The following KLF12 variants were observed in gnomAD, a reference collection of about 807,000 sequenced individuals.
The protein encoded by KLF12 is KLF transcription factor 12.
Under a neutral mutation model 37.8 loss-of-function variants are expected in KLF12, and 9 were observed. That is an observed-to-expected ratio of 0.24 (90% CI 0.14 to 0.42). The LOEUF is 0.42. Ranked by LOEUF, KLF12 falls within the 10% of genes least tolerant of loss-of-function variation. The pLI, the probability that KLF12 is intolerant of heterozygous loss-of-function variation, is 1.00. For synonymous variants in KLF12, 208 were observed against 202.1 expected (o/e 1.03, Z -0.25); for missense variants, 411 against 516.0 (o/e 0.80, Z 1.97).
chr13:74,092,613 C>A (rs1414282060), intron 1 of KLF12, among the ~76,000 whole-genome samples: 1 of 150,460 alleles, frequency 6.6e-6, no homozygotes, highest in Non-Finnish European at 1.5e-5. Context: ...AACAGAGACT[C>A]CAACTCAAAA....
intron 3 of KLF12, among the ~76,000 whole-genome samples, chr13:73,911,134 G>A (rs1220551320): frequency 1.3e-5 from 2 of 152,036 alleles, no homozygotes; most frequent in Non-Finnish European, 2.9e-5. Context: ...GATAAGCTAG[G>A]TGATTGATAT....
chr13:73,813,362 G>T, intron 4 of KLF12, 75 bp from the exon 5 acceptor site: 1 of 1,499,504 alleles, frequency 6.7e-7, no homozygotes, highest in Non-Finnish European at 9.2e-7. Flanking sequence ...CCAACATCAA[G>T]TATGGAACTT....
intron 2 of KLF12, among the ~76,000 whole-genome samples, chr13:73,964,528 G>A (rs914958252): frequency 3.3e-5 from 5 of 151,138 alleles, no homozygotes; most frequent in Admixed American, 6.6e-5. Context: ...CCAGCACTTC[G>A]GGAGGCCAAG....
intron 3 of KLF12, among the ~76,000 whole-genome samples, chr13:73,908,246 C>CA (rs1888396394): frequency 6.6e-6 from 1 of 151,362 alleles, no homozygotes; most frequent in Admixed American, 6.6e-5. Flanking sequence ...ACTAAAAATA[C>CA]AAAAATTAGC....
At chr13:74,073,255 T>G (rs1180612025) in intron 1 of KLF12, among the ~76,000 whole-genome samples, 1 of 152,198 alleles carries the variant, frequency 6.6e-6, no homozygotes, top group Admixed American at 6.5e-5. Flanking sequence ...TTGACTGATT[T>G]TTTTTTCTTT....
At chr13:73,740,908 A>G (rs1475724056) in intron 6 of KLF12, among the ~76,000 whole-genome samples, 1 of 152,198 alleles carries the variant, frequency 6.6e-6, no homozygotes, top group Non-Finnish European at 1.5e-5. Flanking sequence ...TATCACTTAC[A>G]GATGCAAAGC....
Position 74,018,429 on chromosome 13 carries a change from A to G in KLF12, c.-31-23376T>C, listed in dbSNP as rs1232193817. On this transcript the variant is annotated intron_variant, in intron 1 of 7. Coordinates refer to ENST00000377669, the MANE Select transcript of KLF12 (RefSeq NM_007249.5). ...TTGATATACTGTATTCTTGAAAAAT[A>G]CTAAGTGACATTAAAGTGTTCTCTC... Among the ~76,000 whole-genome samples the G allele has an allele frequency of 1.1e-4, 16 of 152,232 alleles. 1 individual carries two copies. The highest frequency in any genetic ancestry group is 1.0e-3 in the Admixed American group (16 of 15,284).
At chr13:74,165,062 G>T in the KLF12 span, among the ~76,000 whole-genome samples, 1 of 152,184 alleles carries the variant, frequency 6.6e-6, no homozygotes. Flanking sequence ...TAGAATGTTT[G>T]TAACACAAAG....
At chr13:73,859,471 G>A (rs1885801904) in intron 3 of KLF12, among the ~76,000 whole-genome samples, 1 of 152,094 alleles carries the variant, frequency 6.6e-6, no homozygotes, top group African/African-American at 2.4e-5. Flanking sequence ...GTCCTTATTG[G>A]TGAAATTTCC....
chr13:74,030,565 T>C (rs1380319661), intron 1 of KLF12, among the ~76,000 whole-genome samples: 1 of 152,118 alleles, frequency 6.6e-6, no homozygotes, highest in African/African-American at 2.4e-5. Context: ...CTTCCTGTCC[T>C]TTCCTCCCAC....
chr13:73,744,265 G>C (rs1300769912), intron 6 of KLF12, among the ~76,000 whole-genome samples: 1 of 152,146 alleles, frequency 6.6e-6, no homozygotes, highest in Non-Finnish European at 1.5e-5. Context: ...GTTGCAAAGT[G>C]GCTTTGTTCC....
chr13:74,026,159 A>G (rs1892971842), intron 1 of KLF12, among the ~76,000 whole-genome samples: 1 of 17,404 alleles, frequency 5.7e-5, no homozygotes, highest in African/African-American at 1.6e-4. Flanking sequence ...ATTTTGAAGA[A>G]AAAAAAAAAA....
chr13:73,924,922 C>T (rs1170691452), intron 3 of KLF12, among the ~76,000 whole-genome samples: 1 of 152,142 alleles, frequency 6.6e-6, no homozygotes, highest in African/African-American at 2.4e-5. Context: ...CACAACATTC[C>T]CTTGAGCCAA....
intron 5 of KLF12, among the ~76,000 whole-genome samples, chr13:73,804,810 A>G (rs2138369290): frequency 6.6e-6 from 1 of 152,342 alleles, no homozygotes; most frequent in East Asian, 1.9e-4. Flanking sequence ...GAGTCAAAGA[A>G]TATTTCTTTG....
chr13:74,275,807 C>CTTCT, the KLF12 span, among the ~76,000 whole-genome samples: 514 of 50,210 alleles, frequency 0.01, 5 homozygotes, highest in Middle Eastern at 0.019. Flanking sequence ...TCTTTCTTTC[C>CTTCT]TTCTTTCTTT....
chr13:74,137,410 C>CTA (rs1878593182), upstream of KLF12, among the ~76,000 whole-genome samples: 1 of 152,172 alleles, frequency 6.6e-6, no homozygotes, highest in Non-Finnish European at 1.5e-5. Flanking sequence ...ATTTCCCTAA[C>CTA]TATATATAAA....
At chr13:74,263,477 A>G in the KLF12 span, among the ~76,000 whole-genome samples, 1 of 152,238 alleles carries the variant, frequency 6.6e-6, no homozygotes, top group Non-Finnish European at 1.5e-5. Context: ...TTGTCAGCTC[A>G]CGTTTGACAC....
chr13:73,984,440 G>A (rs1035130311), intron 2 of KLF12, among the ~76,000 whole-genome samples: 2 of 152,146 alleles, frequency 1.3e-5, no homozygotes, highest in African/African-American at 4.8e-5. Context: ...TCAGGGAAGG[G>A]TGCCAGCTTC....
intron 1 of KLF12, among the ~76,000 whole-genome samples, chr13:74,007,427 A>T (rs899893930): frequency 2.2e-5 from 2 of 92,316 alleles, no homozygotes; most frequent in Non-Finnish European, 4.8e-5. Flanking sequence ...GCCCGCCACC[A>T]CGCCCGGTAA....
Sources: allele counts gnomAD v4.1 joint callset (sites outside exome capture counted in the v4.1 genomes callset), GRCh38; gene constraint gnomAD v4.1.1; transcripts MANE v1.5; gene names NCBI Gene and HGNC (gene_info 2026-07-23, HGNC 2026-07-21).